Variants in IPMK observed in about 807,000 individuals in gnomAD.
IPMK encodes inositol polyphosphate multikinase.
In IPMK, 17 loss-of-function variants were observed where a neutral mutation model predicts 45.8. That is an observed-to-expected ratio of 0.37 (90% CI 0.25 to 0.56). The LOEUF (loss-of-function observed/expected upper bound fraction) is 0.56. Among genes scored for constraint, IPMK ranks in the 20% least tolerant of loss-of-function variants. IPMK has a pLI of 0.79. For missense variants in IPMK, 399 were observed against 498.0 expected (o/e 0.80, Z 1.89); for synonymous variants, 180 against 184.3 (o/e 0.98, Z 0.19).
In IPMK at chr10:58,197,178, T is replaced by C. The variant is rs549657715; in HGVS notation, c.629-480A>G. Among the ~76,000 whole-genome samples, 312 of 151,618 alleles carry C rather than the reference T, an allele frequency of 2.1e-3. 1 individual carries two copies. The highest frequency in any genetic ancestry group is 3.1e-3 in the Admixed American group (47 of 15,226). ...AGCCGGGGATGGTGGCGGGCACCTG[T>C]AGTCCCAGCTACTCCGGACGCTGAG... On this transcript the variant is annotated intron_variant, in intron 5 of 5. Transcript: ENST00000373935.
intron 1 of IPMK, among the ~76,000 whole-genome samples, chr10:58,242,954 C>A (rs1209669037): frequency 2.0e-5 from 3 of 152,104 alleles, no homozygotes; most frequent in Non-Finnish European, 4.4e-5. Flanking sequence ...CTCTCTCCCT[C>A]CTACTCTGCC....
chr10:58,218,265 G>A (rs1457846381), intron 3 of IPMK, among the ~76,000 whole-genome samples: 1 of 152,198 alleles, frequency 6.6e-6, no homozygotes, highest in Non-Finnish European at 1.5e-5. Context: ...ACAGAGATAT[G>A]AAACTGCTGT....
rs574070082 is a variant in IPMK at position 58,200,739 on chromosome 10, T to C, written c.547-1418A>G. On this transcript the variant is annotated intron_variant, in intron 4 of 5. Coordinates refer to ENST00000373935, the MANE Select transcript of IPMK (RefSeq NM_152230.5). ...CCAAATGTATCAAAGATTGAAATGA[T>C]AAAACGGTCCCCGAAAACATACAGG... Among the ~76,000 whole-genome samples, 324 of 152,334 alleles carry C rather than the reference T, an allele frequency of 2.1e-3. 1 individual carries two copies. Among genetic ancestry groups the C allele is most frequent in the Middle Eastern group, 0.01 (3 of 294 alleles).
Position 58,257,597 on chromosome 10 carries a change from G to A in IPMK, c.190+9825C>T, listed in dbSNP as rs575550935. ...TATTTGACAAGGCAATGGCTGAAAT[G>A]TTCTAAAAGTATTAAGAAACATAAA... is the stretch of plus-strand genomic sequence containing the variant. On this transcript the variant is annotated intron_variant, in intron 1 of 5. Coordinates refer to ENST00000373935, the MANE Select transcript of IPMK (RefSeq NM_152230.5). Among the ~76,000 whole-genome samples the A allele has an allele frequency of 5.9e-5, 9 of 152,290 alleles. No individual in the cohort carries two copies. The East Asian group carries it at 7.7e-4, about 13-fold the overall frequency.
chr10:58,258,892 T>C (rs1246488602), intron 1 of IPMK, among the ~76,000 whole-genome samples: 4 of 152,130 alleles, frequency 2.6e-5, no homozygotes, highest in African/African-American at 4.8e-5. Context: ...ATCAATGCAA[T>C]TTTAAAAAGT....
chr10:58,216,354 A>C, intron 3 of IPMK, 37 bp from the exon 4 acceptor site: 1 of 972,522 alleles, frequency 1.0e-6, no homozygotes, highest in Non-Finnish European at 1.5e-6. Context: ...GTAATAGGCA[A>C]ACATATTACT....
At chr10:58,262,803 A>T (rs1687646014) in intron 1 of IPMK, among the ~76,000 whole-genome samples, 1 of 152,248 alleles carries the variant, frequency 6.6e-6, no homozygotes, top group Admixed American at 6.5e-5. Context: ...ATGGGTAATG[A>T]TACATGTTAT....
intron 1 of IPMK, among the ~76,000 whole-genome samples, chr10:58,240,657 G>GAAAAAAAAAAAAAAA (rs200716414): frequency 1.8e-5 from 2 of 114,042 alleles, no homozygotes; most frequent in Non-Finnish European, 1.9e-5. Context: ...CATACACCAC[G>GAAAAAAAAAAAAAAA]AAAAAAAAAA....
intron 1 of IPMK, among the ~76,000 whole-genome samples, chr10:58,247,077 G>A (rs1838812800): frequency 6.6e-6 from 1 of 150,720 alleles, no homozygotes; most frequent in Non-Finnish European, 1.5e-5. Flanking sequence ...CTGGCCATCA[G>A]AGAAATGCAA....
At chr10:58,199,464 A>G (rs1392588236) in intron 4 of IPMK, 143 bp from the exon 5 acceptor site, 10 of 499,996 alleles carry the variant, frequency 2.0e-5, no homozygotes, top group Non-Finnish European at 2.8e-5. Context: ...AATCGCAGTT[A>G]TATCAATGGA....
At chr10:58,264,349 A>G (rs1299647386) in intron 1 of IPMK, among the ~76,000 whole-genome samples, 2 of 152,234 alleles carry the variant, frequency 1.3e-5, no homozygotes, top group Non-Finnish European at 1.5e-5. Flanking sequence ...AGGATATCTA[A>G]TAAAAAGAGA....
At chr10:58,234,050 G>C (rs941661670) in intron 2 of IPMK, among the ~76,000 whole-genome samples, 2 of 152,248 alleles carry the variant, frequency 1.3e-5, no homozygotes, top group East Asian at 3.9e-4. Flanking sequence ...AATCATGAGT[G>C]AACTCCCATT....
intron 2 of IPMK, 83 bp downstream of exon 2, chr10:58,237,646 A>T: frequency 1.0e-6 from 1 of 992,802 alleles, no homozygotes; most frequent in Non-Finnish European, 1.6e-6. Flanking sequence ...CTATGCTGTC[A>T]AATATGTGTC....
chr10:58,244,548 G>A (rs889573989), intron 1 of IPMK, among the ~76,000 whole-genome samples: 2 of 152,078 alleles, frequency 1.3e-5, no homozygotes, highest in Admixed American at 6.6e-5. Context: ...AAGAGACAGC[G>A]ACCATCAAGA....
At chr10:58,225,255 C>T (rs191350077) in intron 3 of IPMK, among the ~76,000 whole-genome samples, 1 of 152,240 alleles carries the variant, frequency 6.6e-6, no homozygotes, top group East Asian at 1.9e-4. Flanking sequence ...AGATAACATG[C>T]ATCTTTACAA....
chr10:58,238,215 T>TTAA (rs1838643783), intron 1 of IPMK, among the ~76,000 whole-genome samples: 2 of 152,246 alleles, frequency 1.3e-5, no homozygotes, highest in Admixed American at 1.3e-4. Context: ...AACATATGTG[T>TTAA]TAACAGTGGC....
In IPMK at chr10:58,256,247, C is replaced by T. The variant is rs540726935; in HGVS notation, c.190+11175G>A. Among the ~76,000 whole-genome samples, 4 of 152,260 alleles carry T rather than the reference C, an allele frequency of 2.6e-5. No individual in the cohort carries two copies. In the East Asian group the frequency reaches 7.7e-4, roughly 29 times the overall value. Reference sequence around the variant, plus strand: ...AGGAGAAATAGCACTGAATTCTTTTCTCAGCAAGGAATACCCCTGGGAAAG... The same window carrying T: ...AGGAGAAATAGCACTGAATTCTTTTTTCAGCAAGGAATACCCCTGGGAAAG... On this transcript the variant is annotated intron_variant, in intron 1 of 5. Coordinates refer to ENST00000373935, the MANE Select transcript of IPMK (RefSeq NM_152230.5).
At chr10:58,210,278 CATGTT>C (rs1838138481) in intron 4 of IPMK, among the ~76,000 whole-genome samples, 1 of 152,180 alleles carries the variant, frequency 6.6e-6, no homozygotes. Context: ...TCCCACAGTG[CATGTT>C]AACAGCCCCA....
intron 1 of IPMK, among the ~76,000 whole-genome samples, chr10:58,244,627 A>C (rs571542137): frequency 8.5e-6 from 1 of 117,352 alleles, no homozygotes; most frequent in East Asian, 2.4e-4. Flanking sequence ...GAAAAGAAAG[A>C]GAGATCAGAT....
Sources: allele counts gnomAD v4.1 joint callset (sites outside exome capture counted in the v4.1 genomes callset), GRCh38; gene constraint gnomAD v4.1.1; transcripts MANE v1.5; gene names NCBI Gene and HGNC (gene_info 2026-07-23, HGNC 2026-07-21).